Variants in COL5A2 observed in about 807,000 individuals in gnomAD.
The protein encoded by COL5A2 is collagen alpha-2(V) chain.
Under a neutral mutation model 208.2 loss-of-function variants are expected in COL5A2, and 23 were observed. The observed-to-expected ratio is 0.11, with a 90% CI of 0.08 to 0.16. COL5A2 has a LOEUF of 0.16. Among genes scored for constraint, COL5A2 ranks in the 10% least tolerant of loss-of-function variants. The pLI, the probability that COL5A2 is intolerant of heterozygous loss-of-function variation, is 1.00. For missense variants in COL5A2, 1,590 were observed against 1,956.4 expected (o/e 0.81, Z 3.53); for synonymous variants, 625 against 628.5 (o/e 0.99, Z 0.08).
the COL5A2 span, among the ~76,000 whole-genome samples, chr2:189,378,521 G>A: frequency 1.3e-5 from 2 of 152,150 alleles, no homozygotes; most frequent in East Asian, 1.9e-4. Context: ...TCAAGAGATC[G>A]AGACCATCAT....
intron 1 of COL5A2, among the ~76,000 whole-genome samples, chr2:189,221,169 G>A (rs745635770): frequency 1.3e-5 from 2 of 152,198 alleles, no homozygotes; most frequent in East Asian, 1.9e-4. Flanking sequence ...AACAGAAATC[G>A]AAATCAAAAT....
Position 189,060,723 on chromosome 2 carries a change from CA to C in COL5A2, c.2085+6del. Reference sequence around the variant, plus strand: ...AGTGTTGCCATTATTATTATTTAAACACTTACTTGATCACCTGGTTTTCCAC... The same window carrying C: ...AGTGTTGCCATTATTATTATTTAAACCTTACTTGATCACCTGGTTTTCCAC... On this transcript the variant is annotated splice_donor_region_variant and intron_variant, in intron 31 of 53. Transcript: ENST00000374866. The C allele has an allele frequency of 6.2e-7, 1 of 1,610,750 alleles. No individual in the cohort carries two copies. Among genetic ancestry groups the C allele is most frequent in the South Asian group, 1.1e-5 (1 of 90,988 alleles).
intron 18 of COL5A2, among the ~76,000 whole-genome samples, chr2:189,069,597 G>A (rs967247116): frequency 6.6e-6 from 1 of 152,026 alleles, no homozygotes; most frequent in Non-Finnish European, 1.5e-5. Flanking sequence ...ATCATCAGAG[G>A]ATAAATCATA....
chr2:189,136,058 T>G (rs1291472173), intron 1 of COL5A2, among the ~76,000 whole-genome samples: 1 of 152,188 alleles, frequency 6.6e-6, no homozygotes, highest in Non-Finnish European at 1.5e-5. Context: ...ATAAAATGAT[T>G]GCGAGTGGGA....
the COL5A2 span, among the ~76,000 whole-genome samples, chr2:189,356,345 A>G: frequency 6.6e-6 from 1 of 150,414 alleles, no homozygotes; most frequent in South Asian, 2.1e-4. Context: ...GAAGGTCTCC[A>G]TTCTCCCCGT....
chr2:189,378,829 T>C, the COL5A2 span, among the ~76,000 whole-genome samples: 1 of 152,220 alleles, frequency 6.6e-6, no homozygotes, highest in Admixed American at 6.5e-5. Flanking sequence ...TGTAACTTTG[T>C]ATATGAAATA....
At chr2:189,100,793 T>C (rs543805122) in intron 3 of COL5A2, among the ~76,000 whole-genome samples, 66 of 152,086 alleles carry the variant, frequency 4.3e-4, no homozygotes, top group African/African-American at 1.5e-3. Context: ...GAAACTATCA[T>C]GTAAGTAAAT....
the COL5A2 span, among the ~76,000 whole-genome samples, chr2:189,351,389 A>T: frequency 6.6e-6 from 1 of 152,224 alleles, no homozygotes; most frequent in East Asian, 1.9e-4. Context: ...CTTTATTAGT[A>T]GGAAACCAGT....
At chr2:189,254,627 G>C in the COL5A2 span, among the ~76,000 whole-genome samples, 3 of 152,164 alleles carry the variant, frequency 2.0e-5, no homozygotes, top group East Asian at 5.8e-4. Flanking sequence ...TGGGCCCCTG[G>C]CAGCACAACC....
chr2:189,202,183 G>C (rs1400804853), intron 1 of COL5A2, among the ~76,000 whole-genome samples: 2 of 151,858 alleles, frequency 1.3e-5, no homozygotes, highest in Non-Finnish European at 2.9e-5. Context: ...ATCTAGCAGT[G>C]GGGGGAGAAT....
intron 1 of COL5A2, among the ~76,000 whole-genome samples, chr2:189,162,143 G>A (rs149936651): frequency 3.7e-4 from 56 of 152,268 alleles, no homozygotes; most frequent in African/African-American, 1.2e-3. Flanking sequence ...CTGATTCTTT[G>A]TCTGCCTCTG....
At chr2:189,095,581 A>T (rs1232452145) in intron 6 of COL5A2, among the ~76,000 whole-genome samples, 3 of 152,052 alleles carry the variant, frequency 2.0e-5, no homozygotes, top group African/African-American at 7.3e-5. Context: ...CCTAACCAAG[A>T]CAGGAAATTG....
chr2:189,261,671 G>A, the COL5A2 span, among the ~76,000 whole-genome samples: 1 of 152,150 alleles, frequency 6.6e-6, no homozygotes, highest in African/African-American at 2.4e-5. Flanking sequence ...CTTGTAATAC[G>A]TGTAGCTCAC....
intron 1 of COL5A2, among the ~76,000 whole-genome samples, chr2:189,210,869 T>C: frequency 6.6e-6 from 1 of 152,190 alleles, no homozygotes; most frequent in East Asian, 1.9e-4. Flanking sequence ...GACCGAAGGT[T>C]TGCTTCTTTA....
chr2:189,093,542 T>C (rs1415812239), intron 6 of COL5A2, among the ~76,000 whole-genome samples: 1 of 152,112 alleles, frequency 6.6e-6, no homozygotes, highest in Admixed American at 6.6e-5. Context: ...ATCATAGCTA[T>C]TCAGAAATTT....
chr2:189,248,651 C>T, the COL5A2 span, among the ~76,000 whole-genome samples: 1 of 152,084 alleles, frequency 6.6e-6, no homozygotes, highest in African/African-American at 2.4e-5. Flanking sequence ...TAATATGTGG[C>T]TTTTAAAAAT....
intron 29 of COL5A2, 110 bp from the exon 30 acceptor site, chr2:189,061,725 A>T (rs1402666179): frequency 2.3e-6 from 2 of 867,456 alleles, no homozygotes; most frequent in Non-Finnish European, 3.8e-6. Flanking sequence ...TTCCAATCAC[A>T]TGTTTTTCTC....
intron 1 of COL5A2, among the ~76,000 whole-genome samples, chr2:189,126,587 A>T (rs1167682080): frequency 6.6e-6 from 1 of 152,126 alleles, no homozygotes; most frequent in African/African-American, 2.4e-5. Context: ...AGAATAAATT[A>T]GGCTTTTTAG....
chr2:189,305,188 T>C, the COL5A2 span, among the ~76,000 whole-genome samples: 1 of 152,182 alleles, frequency 6.6e-6, no homozygotes. Flanking sequence ...CTCACAAATC[T>C]ACCATCCCAG....
Sources: gnomAD v4.1 joint callset for allele counts (sites outside exome capture counted in the v4.1 genomes callset) on GRCh38, gnomAD v4.1.1 for gene constraint, MANE v1.5 for transcripts, NCBI Gene and HGNC (gene_info 2026-07-23, HGNC 2026-07-21) for gene names.